MTDH: variants seen among roughly 807,000 people sequenced by gnomAD.
MTDH encodes metadherin.
A neutral mutation model predicts 72.7 loss-of-function variants in MTDH; 34 were observed. The observed-to-expected ratio is 0.47, with a 90% CI of 0.36 to 0.62. The LOEUF is 0.62. Ranked by LOEUF, MTDH falls within the 20% of genes least tolerant of loss-of-function variation. The pLI, the probability that MTDH is intolerant of heterozygous loss-of-function variation, is 0.00. For missense variants in MTDH, 677 were observed against 699.4 expected, an observed-to-expected ratio of 0.97 and a Z score of 0.36; for synonymous variants, 266 against 268.9, an observed-to-expected ratio of 0.99 and a Z score of 0.10.
intron 7 of MTDH, among the ~76,000 whole-genome samples, chr8:97,704,900 C>T (rs965763167): frequency 6.6e-6 from 1 of 152,076 alleles, no homozygotes; most frequent in African/African-American, 2.4e-5. Context: ...CAAATTTGTC[C>T]TTCTAGATAT....
At chr8:97,683,861 C>G (rs1813241977) in intron 2 of MTDH, among the ~76,000 whole-genome samples, 1 of 152,136 alleles carries the variant, frequency 6.6e-6, no homozygotes, top group Non-Finnish European at 1.5e-5. Context: ...CCTGTAATCC[C>G]AGCATTTTGG....
intron 9 of MTDH, among the ~76,000 whole-genome samples, chr8:97,715,125 C>CTTAT (rs971301632): frequency 6.6e-6 from 1 of 150,656 alleles, no homozygotes; most frequent in Non-Finnish European, 1.5e-5. Flanking sequence ...CACGCCCAGC[C>CTTAT]TTATTTATTT....
chr8:97,657,682 AT>A (rs975104889), intron 1 of MTDH, among the ~76,000 whole-genome samples: 7 of 151,678 alleles, frequency 4.6e-5, no homozygotes, highest in African/African-American at 1.7e-4. Flanking sequence ...TTTTTAAATT[AT>A]TTTTTGTAGA....
intron 2 of MTDH, among the ~76,000 whole-genome samples, chr8:97,673,436 A>T (rs1019092176): frequency 6.6e-6 from 1 of 152,184 alleles, no homozygotes; most frequent in African/African-American, 2.4e-5. Flanking sequence ...AGGTGGGTGG[A>T]TCACCTGAGG....
chr8:97,713,060 A>T (rs1334972012), intron 8 of MTDH, among the ~76,000 whole-genome samples: 1 of 152,138 alleles, frequency 6.6e-6, no homozygotes, highest in African/African-American at 2.4e-5. Context: ...TTACCTATTC[A>T]GTGAGTTTTT....
chr8:97,652,539 T>C (rs1432430793), intron 1 of MTDH, among the ~76,000 whole-genome samples: 2 of 152,198 alleles, frequency 1.3e-5, no homozygotes, highest in African/African-American at 4.8e-5. Flanking sequence ...CCCATTTACT[T>C]TTTTGGGTTC....
chr8:97,679,598 G>A (rs1812989514), intron 2 of MTDH, among the ~76,000 whole-genome samples: 1 of 152,140 alleles, frequency 6.6e-6, no homozygotes, highest in South Asian at 2.1e-4. Context: ...ATATTAAAAT[G>A]AATGCATTTA....
Position 97,663,099 on chromosome 8 carries a change from T to A in MTDH, c.483+1926T>A, listed in dbSNP as rs549376913. 2.8e-4 allele frequency among the ~76,000 whole-genome samples: 43 copies of A among 152,216 alleles called. No individual in the cohort carries two copies. In the South Asian group the frequency reaches 8.7e-3, roughly 31 times the overall value. On this transcript the variant is annotated intron_variant, in intron 2 of 11. Coordinates refer to ENST00000336273, the MANE Select transcript of MTDH (RefSeq NM_178812.4). Reference sequence around the variant, plus strand: ...ATAGATTTACACATCTCTGACCTAGTGTTTTCTTTTTTCTGGGCTTTCTCT... The same window carrying A: ...ATAGATTTACACATCTCTGACCTAGAGTTTTCTTTTTTCTGGGCTTTCTCT...
At position 97,721,848 on chromosome 8, in the gene MTDH, G is replaced by A. The variant is rs552258931; in HGVS notation, c.1522-1031G>A. 1.2e-3 allele frequency among the ~76,000 whole-genome samples: 182 copies of A among 152,282 alleles called. 1 individual carries two copies. The highest frequency in any genetic ancestry group is 2.1e-3 in the Non-Finnish European group (140 of 68,032). ...CTTAAGCATTCCAATTTCACTACCAGACTGGATAAAACACTGAAAATTTGT... is the reference window on the plus strand; with the variant it reads ...CTTAAGCATTCCAATTTCACTACCAAACTGGATAAAACACTGAAAATTTGT... On this transcript the variant is annotated intron_variant, in intron 10 of 11. Coordinates refer to ENST00000336273, the MANE Select transcript of MTDH (RefSeq NM_178812.4).
intron 10 of MTDH, among the ~76,000 whole-genome samples, chr8:97,720,276 C>CTTTGTGAAGAAGAATATATATTTAT (rs1260917896): frequency 6.6e-6 from 1 of 151,582 alleles, no homozygotes; most frequent in African/African-American, 2.4e-5. Context: ...CAAAGTGAGA[C>CTTTGTGAAGAAGAATATATATTTAT]TCCATCTCAT....
At chr8:97,699,446 AAAAG>A (rs1456682055) in intron 6 of MTDH, among the ~76,000 whole-genome samples, 4 of 152,134 alleles carry the variant, frequency 2.6e-5, no homozygotes, top group Non-Finnish European at 4.4e-5. Flanking sequence ...CAAAAAAAAA[AAAAG>A]AGAGAAATTT....
At chr8:97,685,914 G>T (rs555660969) in intron 2 of MTDH, among the ~76,000 whole-genome samples, 1 of 152,030 alleles carries the variant, frequency 6.6e-6, no homozygotes, top group South Asian at 2.1e-4. Flanking sequence ...GGCTTATTTC[G>T]TTTTTAGCAA....
chr8:97,724,730 T>A lies in MTDH; in HGVS notation c.*60T>A. The A allele has an allele frequency of 7.6e-7, 1 of 1,319,928 alleles. No homozygotes were observed. The allele number at this position is 1,319,928 out of a possible 1,614,324, so 81.8% of individuals were successfully genotyped here. ...ACACTTGTCTTGAAGATTATGCTGT[T>A]TATGCAATAATTTGTGAACATGTAC... On this transcript the variant is annotated 3_prime_UTR_variant, in exon 12 of 12. Transcript: ENST00000336273.
At chr8:97,678,046 A>G (rs1224773836) in intron 2 of MTDH, among the ~76,000 whole-genome samples, 4 of 152,236 alleles carry the variant, frequency 2.6e-5, no homozygotes, top group African/African-American at 9.6e-5. Flanking sequence ...TATTAAATAA[A>G]TTAGTACCAG....
rs372583431 is a variant in MTDH at position 97,717,862 on chromosome 8, G to GT, written c.1381-1186dup. ...TCTCCCAGGTTCAAGCAACTATCAT[G>GT]TATCAGCCTCCCAAGTAGCTGGGAT... On this transcript the variant is annotated intron_variant, in intron 9 of 11. Coordinates refer to ENST00000336273, the MANE Select transcript of MTDH (RefSeq NM_178812.4). 5.3e-3 allele frequency among the ~76,000 whole-genome samples: 807 copies of GT among 151,644 alleles called. 4 individuals carry two copies. Among genetic ancestry groups the GT allele is most frequent in the African/African-American group, 0.017 (713 of 41,284 alleles).
intron 6 of MTDH, among the ~76,000 whole-genome samples, chr8:97,699,159 G>A (rs1252046636): frequency 6.6e-6 from 1 of 152,034 alleles, no homozygotes; most frequent in Non-Finnish European, 1.5e-5. Flanking sequence ...ATGGTAATGT[G>A]TGCCTGTAGT....
At chr8:97,694,569 C>T (rs999843515) in intron 6 of MTDH, among the ~76,000 whole-genome samples, 1 of 152,172 alleles carries the variant, frequency 6.6e-6, no homozygotes, top group African/African-American at 2.4e-5. Flanking sequence ...TAAGCTTGCT[C>T]TCCCTTCCTC....
At chr8:97,666,436 A>AC (rs1812390140) in intron 2 of MTDH, among the ~76,000 whole-genome samples, 2 of 152,226 alleles carry the variant, frequency 1.3e-5, no homozygotes, top group Non-Finnish European at 2.9e-5. Flanking sequence ...TTGTCCAGGA[A>AC]CACATAGCTG....
chr8:97,647,554 A>G (rs1179190936), intron 1 of MTDH, among the ~76,000 whole-genome samples: 2 of 152,142 alleles, frequency 1.3e-5, no homozygotes, highest in African/African-American at 4.8e-5. Context: ...GGAGGGCAGT[A>G]AGAGCAAGAT....
Sources: gnomAD v4.1 joint callset for allele counts (sites outside exome capture counted in the v4.1 genomes callset) on GRCh38, gnomAD v4.1.1 for gene constraint, MANE v1.5 for transcripts, NCBI Gene and HGNC (gene_info 2026-07-23, HGNC 2026-07-21) for gene names.